The following ATIC variants were observed in gnomAD, a reference collection of about 807,000 sequenced individuals.
ATIC encodes the protein bifunctional purine biosynthesis protein ATIC.
A neutral mutation model predicts 72.5 loss-of-function variants in ATIC; 64 were observed. The ratio of observed to expected loss-of-function variants is 0.88; its 90% CI spans 0.72 to 1.09. The LOEUF (loss-of-function observed/expected upper bound fraction) is 1.09, where lower values mean the gene tolerates loss of function less well. Ranked by LOEUF, ATIC falls within the 50% of genes least tolerant of loss-of-function variation. The pLI is 0.00. For missense variants in ATIC, 787 were observed against 732.4 expected, an observed-to-expected ratio of 1.07 and a Z score of -0.86; for synonymous variants, 281 against 267.1, an observed-to-expected ratio of 1.05 and a Z score of -0.51.
chr2:215,354,237 C>G (rs974576353), downstream of ATIC, among the ~76,000 whole-genome samples: 2 of 152,028 alleles, frequency 1.3e-5, no homozygotes, highest in African/African-American at 4.8e-5. Flanking sequence ...ACCATGTTGT[C>G]CAGGCTGGTC....
intron 7 of ATIC, among the ~76,000 whole-genome samples, chr2:215,329,815 T>G (rs1190557632): frequency 6.6e-6 from 1 of 152,072 alleles, no homozygotes. Flanking sequence ...CAGGCTGGAG[T>G]GCAGTGGCAT....
intron 14 of ATIC, chr2:215,347,688 T>C (rs1469115989): frequency 2.1e-6 from 1 of 479,838 alleles, no homozygotes; most frequent in Non-Finnish European, 4.1e-6. Flanking sequence ...CCTTAAGATA[T>C]CTTTTTTTTT....
chr2:215,358,973 C>T, the ATIC span, among the ~76,000 whole-genome samples: 1 of 152,312 alleles, frequency 6.6e-6, no homozygotes, highest in Non-Finnish European at 1.5e-5. Context: ...ACCTCCGCCT[C>T]CTGGGTTCAA....
chr2:215,312,280 AGCGTCCCC>A (rs1207233168), intron 1 of ATIC, 119 bp downstream of exon 1: 3 of 1,443,286 alleles, frequency 2.1e-6, no homozygotes, highest in Non-Finnish European at 2.7e-6. Context: ...ATTGAAAGCC[AGCGTCCCC>A]GCTCCCCGGC....
intron 2 of ATIC, among the ~76,000 whole-genome samples, chr2:215,315,930 G>A (rs545047734): frequency 2.0e-5 from 3 of 151,738 alleles, no homozygotes; most frequent in African/African-American, 7.3e-5. Context: ...ACTCCAGCCT[G>A]GATGACAGAG....
intron 4 of ATIC, among the ~76,000 whole-genome samples, chr2:215,324,310 T>G (rs911737237): frequency 6.6e-6 from 1 of 152,218 alleles, no homozygotes; most frequent in Non-Finnish European, 1.5e-5. Flanking sequence ...TCCCTTCTAT[T>G]TTTAATTTGC....
the ATIC span, among the ~76,000 whole-genome samples, chr2:215,366,355 C>A: frequency 6.6e-6 from 1 of 152,084 alleles, no homozygotes; most frequent in African/African-American, 2.4e-5. Flanking sequence ...TTTGCAGAAA[C>A]CCTGGATACA....
At chr2:215,368,433 C>T in the ATIC span, among the ~76,000 whole-genome samples, 2 of 152,182 alleles carry the variant, frequency 1.3e-5, no homozygotes, top group Non-Finnish European at 2.9e-5. Context: ...TTGCTTCCCT[C>T]ATCTGCAATA....
At chr2:215,332,554 T>G (rs2052907639) in intron 8 of ATIC, 47 bp downstream of exon 8, 14 of 1,604,196 alleles carry the variant, frequency 8.7e-6, no homozygotes, top group Non-Finnish European at 1.1e-5. Flanking sequence ...CGAAAGGCAT[T>G]TCTTCTTAAA....
the ATIC span, chr2:215,362,070 A>T: frequency 6.2e-7 from 1 of 1,613,752 alleles, no homozygotes; most frequent in Admixed American, 1.7e-5. Flanking sequence ...CAGTTGTCAC[A>T]GCGCCAGCCC....
At chr2:215,368,181 C>G in the ATIC span, among the ~76,000 whole-genome samples, 1 of 152,216 alleles carries the variant, frequency 6.6e-6, no homozygotes, top group Non-Finnish European at 1.5e-5. Flanking sequence ...AAGGCATTAA[C>G]TGCTCTAAAA....
intron 11 of ATIC, 137 bp from the exon 12 acceptor site, chr2:215,338,642 T>C (rs1404351194): frequency 3.4e-6 from 3 of 890,952 alleles, no homozygotes; most frequent in African/African-American, 1.7e-5. Flanking sequence ...TGAGAAAAAT[T>C]AGAAAATTAG....
At chr2:215,368,032 G>A in the ATIC span, 1 of 1,613,922 alleles carries the variant, frequency 6.2e-7, no homozygotes. Context: ...CGTTGACTAT[G>A]AAGAAAAGGA....
the ATIC span, among the ~76,000 whole-genome samples, chr2:215,356,581 A>G: frequency 6.6e-6 from 1 of 152,102 alleles, no homozygotes; most frequent in African/African-American, 2.4e-5. Flanking sequence ...CATCACCCCA[A>G]AAGTTAACTC....
chr2:215,341,616 C>T (rs1172642253), intron 12 of ATIC, among the ~76,000 whole-genome samples: 2 of 152,184 alleles, frequency 1.3e-5, no homozygotes, highest in Non-Finnish European at 2.9e-5. Context: ...AGGTCTGGAA[C>T]CATTTCAGTC....
intron 4 of ATIC, among the ~76,000 whole-genome samples, chr2:215,323,394 G>A (rs1338701434): frequency 6.6e-6 from 1 of 152,170 alleles, no homozygotes; most frequent in Non-Finnish European, 1.5e-5. Context: ...ATCAATTTGG[G>A]AAATGTTACC....
chr2:215,365,657 A>G, the ATIC span: 1 of 1,612,598 alleles, frequency 6.2e-7, no homozygotes, highest in Non-Finnish European at 8.5e-7. Context: ...AGTCAGGACC[A>G]AAAAGTTATT....
chr2:215,338,932 A>C lies in ATIC; in HGVS notation c.1227+25A>C, dbSNP rs940423100. ...TGTAAGTTGGGAAGTATCTGAACTG[A>C]CTGCTAGTAACTTCCATTGGTCTGT... On this transcript the variant is annotated intron_variant, in intron 12 of 15. Coordinates refer to ENST00000236959, the MANE Select transcript of ATIC (RefSeq NM_004044.7). The C allele has an allele frequency of 3.7e-6, 6 of 1,611,058 alleles. No homozygotes were observed. The African/African-American group carries it at 8.0e-5, about 22-fold the overall frequency.
At chr2:215,352,055 A>C (rs569281089), downstream of ATIC, among the ~76,000 whole-genome samples, 34 of 152,322 alleles carry the variant, frequency 2.2e-4, no homozygotes, top group African/African-American at 7.9e-4. Context: ...AGAAACTTTC[A>C]TGCCTAGAAG....
Sources: allele counts gnomAD v4.1 joint callset (sites outside exome capture counted in the v4.1 genomes callset), GRCh38; gene constraint gnomAD v4.1.1; transcripts MANE v1.5; gene names NCBI Gene and HGNC (gene_info 2026-07-23, HGNC 2026-07-21).